Variants in MYH7 observed in about 807,000 individuals in gnomAD.
MYH7 encodes the protein myosin heavy chain 7.
MYH7 carries 129 observed loss-of-function variants against 225.4 expected under a neutral mutation model. The observed-to-expected ratio is 0.57, with a 90% CI of 0.50 to 0.66. The LOEUF is 0.66. MYH7 is among the 30% of genes least tolerant of loss of function. The pLI is 0.00. For missense variants in MYH7, 1,649 were observed against 2,517.0 expected, an observed-to-expected ratio of 0.66 and a Z score of 7.38; for synonymous variants, 971 against 1,007.6, an observed-to-expected ratio of 0.96 and a Z score of 0.69.
chr14:23,419,402 T>G lies in MYH7; in HGVS notation c.3853+81A>C. ...ACTCTGTGTCTGTGTGTGCGTGTATTGGCTTGTGCCCGAGGCTGGAGTGGC... is the reference window on the plus strand; with the variant it reads ...ACTCTGTGTCTGTGTGTGCGTGTATGGGCTTGTGCCCGAGGCTGGAGTGGC... On this transcript the variant is annotated intron_variant, in intron 28 of 39. Coordinates refer to ENST00000355349, the MANE Select transcript of MYH7 (RefSeq NM_000257.4). The G allele has an allele frequency of 1.9e-6, 3 of 1,612,520 alleles. No individual in the cohort carries two copies. In the East Asian group the frequency reaches 6.7e-5, roughly 36 times the overall value.
At position 23,424,036 on chromosome 14, in the gene MYH7, C is replaced by T. The variant is rs1892591027; in HGVS notation, c.2793G>A (p.Glu931=). 1 of 1,614,146 alleles carries T rather than the reference C, an allele frequency of 6.2e-7. No homozygotes were observed. Residue 931 remains glutamate (E), a synonymous_variant, in exon 23 of 40, where the codon GAG becomes GAA. Transcript: ENST00000355349. ...EMNERLEDEE[E]MNAELTAKKR... ...TCTTGGCAGTGAGCTCAGCATTCAT[C>T]TCCTCCTCATCCTCCAGCCTCTCGT...
At chr14:23,434,578 C>T (rs571621310) in intron 1 of MYH7, among the ~76,000 whole-genome samples, 127 of 152,256 alleles carry the variant, frequency 8.3e-4, no homozygotes, top group Non-Finnish European at 1.4e-3. Flanking sequence ...CACATTTGTT[C>T]GGCACTTTCC....
At position 23,416,894 on chromosome 14, in the gene MYH7, G is replaced by A. The variant is rs368734580; in HGVS notation, c.4618C>T (p.Leu1540=). Residue 1540 remains leucine, a synonymous_variant, in exon 33 of 40, where the codon CTG becomes TTG. Coordinates refer to ENST00000355349, the MANE Select transcript of MYH7 (RefSeq NM_000257.4). The part of the protein sequence containing the change: ...RKQLEAEKME[L]QSALEEAEAS... ...TCGGCCTCCTCCAGGGCTGACTGCA[G>A]CTCCATCTTCTCGGCCTCCAGCTGC... is the stretch of plus-strand genomic sequence containing the variant. 138 of 1,614,096 alleles carry A rather than the reference G, an allele frequency of 8.5e-5. No homozygotes were observed. The highest frequency in any genetic ancestry group is 2.5e-4 in the Admixed American group (15 of 60,002).
In MYH7 at chr14:23,428,557, C is replaced by T; in HGVS notation, c.1521G>A (p.Glu507=). 1 of 1,614,216 alleles carries T rather than the reference C, an allele frequency of 6.2e-7. No individual in the cohort carries two copies. The highest frequency in any genetic ancestry group is 8.5e-7 in the Non-Finnish European group (1 of 1,180,044). ...CCATGCCAAAGTCAATGAATGTCCA[C>T]TCGATGCCCTCCTTCTTGTACTCCT... ...EQEEYKKEGI[E]WTFIDFGMDL... The change falls in exon 15 of 40, where the codon GAG becomes GAA. Residue 507 remains glutamate (E), a synonymous_variant. Transcript: ENST00000355349.
In MYH7 at chr14:23,420,198, C is replaced by G. The variant is rs730880904; in HGVS notation, c.3373G>C (p.Glu1125Gln). 4 of 1,608,248 alleles carry G rather than the reference C, an allele frequency of 2.5e-6. No homozygotes were observed. The highest frequency in any genetic ancestry group is 3.4e-6 in the Non-Finnish European group (4 of 1,178,574). ...TCCACCTTAGCCCTGGCGGTGCGCT[C>G]GGCCTCCAGCTCCTCCTCCAGCTCC... ...IEELEEELEA[E>Q]RTARAKVEKL... The change falls in exon 27 of 40, where the codon GAG becomes CAG. Residue 1125 changes from glutamate (E) to glutamine (Q), a missense_variant. Transcript: ENST00000355349.
Position 23,416,195 on chromosome 14 carries a change from G to C in MYH7, c.4762C>G (p.Arg1588Gly). The part of the protein sequence containing the change: ...EKDEEMEQAK[R>G]NHLRVVDSLQ... Reference sequence around the variant, plus strand: ...GAGTCCACCACCCGCAGGTGGTTGCGCTTGGCCTGTTCCATCTCCTCGTCC... The same window carrying C: ...GAGTCCACCACCCGCAGGTGGTTGCCCTTGGCCTGTTCCATCTCCTCGTCC... The change falls in exon 34 of 40, where the codon CGC becomes GGC. Residue 1588 changes from arginine (R) to glycine (G), a missense_variant. Around this residue, in one of 12 missense-constraint regions of MYH7, gnomAD observed 687 missense variants for 913.8 expected, o/e 0.75. Transcript: ENST00000355349. 1.2e-6 allele frequency: 2 copies of C among 1,614,146 alleles called. No homozygotes were observed. The highest frequency in any genetic ancestry group is 1.7e-6 in the Non-Finnish European group (2 of 1,180,038).
intron 23 of MYH7, 90 bp from the exon 24 acceptor site, chr14:23,423,813 T>A: frequency 6.2e-7 from 1 of 1,613,424 alleles, no homozygotes; most frequent in Admixed American, 1.7e-5. Context: ...TCCATGCTGC[T>A]CTCTGGATGC....
In MYH7 at chr14:23,422,272, C is replaced by T. The variant is rs45540831; in HGVS notation, c.3153G>A (p.Ala1051=). 13,046 of 1,614,170 alleles carry T rather than the reference C, an allele frequency of 8.1e-3. 62 individuals carry two copies. Among genetic ancestry groups the T allele is most frequent in the Non-Finnish European group, 0.01 (11,930 of 1,180,042 alleles). Residue 1051 remains alanine (A), a synonymous_variant, in exon 25 of 40, where the codon GCG becomes GCA. Transcript: ENST00000355349. ...EKKVRMDLER[A]KRKLEGDLKL... is the part of the protein sequence containing the mutation. ...TCAGGTCGCCCTCCAGCTTCCGCTT[C>T]GCTCGCTCCAGGTCCATGCGCACCT...
Position 23,432,904 on chromosome 14 carries a change from T to C in MYH7, c.346-109A>G, listed in dbSNP as rs1221846321. Reference sequence around the variant, plus strand: ...GAGAAAGAAGAGAAAGGAAAACCTCTGCATGCACTCAATCTGAGTAATGCC... The same window carrying C: ...GAGAAAGAAGAGAAAGGAAAACCTCCGCATGCACTCAATCTGAGTAATGCC... On this transcript the variant is annotated intron_variant, in intron 4 of 39. Transcript: ENST00000355349. 5.3e-6 allele frequency: 8 copies of C among 1,523,548 alleles called. No individual in the cohort carries two copies. The African/African-American group carries it at 9.6e-5, about 18-fold the overall frequency. The allele number at this position is 1,523,548 out of a possible 1,614,324, so 94.4% of individuals were successfully genotyped here. A position where few individuals can be genotyped will look rare whatever the true frequency, so the allele number is the denominator to read the frequency against.
In MYH7 at chr14:23,432,767, A is replaced by G; in HGVS notation, c.374T>C (p.Val125Ala). 1 of 1,614,178 alleles carries G rather than the reference A, an allele frequency of 6.2e-7. No individual in the cohort carries two copies. The change falls in exon 5 of 40, where the codon GTC (valine) becomes GCC (alanine). Residue 125 changes from valine to alanine, a missense_variant. Coordinates refer to ENST00000355349, the MANE Select transcript of MYH7 (RefSeq NM_000257.4). ...YTYSGLFCVT[V>A]NPYKWLPVYT... ...CACCGGCAGCCACTTGTAAGGGTTG[A>G]CGGTGACACAGAAGAGGCCCGAGTA...
At position 23,429,772 on chromosome 14, in the gene MYH7, C is replaced by T; in HGVS notation, c.1138+3G>A. 1 of 1,612,336 alleles carries T rather than the reference C, an allele frequency of 6.2e-7. No homozygotes were observed. The highest frequency in any genetic ancestry group is 8.5e-7 in the Non-Finnish European group (1 of 1,180,000). On this transcript the variant is annotated splice_donor_region_variant and intron_variant, in intron 12 of 39. Transcript: ENST00000355349. ...GCTGCCCCCAAGAATCCCTGCCTCCCACCTTCAGTGCCGTCTGGCTCCGCC... is the reference window on the plus strand; with the variant it reads ...GCTGCCCCCAAGAATCCCTGCCTCCTACCTTCAGTGCCGTCTGGCTCCGCC...
At position 23,433,326 on chromosome 14, in the gene MYH7, G is replaced by C. The variant is rs1893024061; in HGVS notation, c.202-99C>G. The C allele has an allele frequency of 1.3e-6, 2 of 1,565,590 alleles. No homozygotes were observed. The highest frequency in any genetic ancestry group is 3.5e-5 in the Admixed American group (2 of 56,846). ...TGAGTGACAGGGCAATAGTGCTCAA[G>C]AGAGAAGGAACCAGGATCTCACAGG... On this transcript the variant is annotated intron_variant, in intron 3 of 39. Coordinates refer to ENST00000355349, the MANE Select transcript of MYH7 (RefSeq NM_000257.4). The surrounding 1 kb of genome is among the most constrained non-coding windows in gnomAD (Gnocchi z 4.1).
rs397516260 is a variant in MYH7 at position 23,431,789 on chromosome 14, C to T, written c.611G>A (p.Arg204His). The change falls in exon 7 of 40, where the codon CGC becomes CAC. Residue 204 changes from arginine to histidine, a missense_variant. Physicochemically the swap from Arg to His is conservative, Grantham distance 29. Around this residue, in one of 12 missense-constraint regions of MYH7, gnomAD observed 131 missense variants for 231.3 expected, o/e 0.57. Transcript: ENST00000355349. ...GCCCGGGCTCTGGTCCTTCTTGCTG[C>T]GGTCCCCAATGGCTGCAATAACAGC... is the stretch of plus-strand genomic sequence containing the variant. Reference protein sequence around the residue: ...YFAVIAAIGDRSKKDQSPGKG... With the variant: ...YFAVIAAIGDHSKKDQSPGKG... 1.5e-5 allele frequency: 25 copies of T among 1,614,132 alleles called. No individual in the cohort carries two copies. Among genetic ancestry groups the T allele is most frequent in the East Asian group, 2.2e-5 (1 of 44,902 alleles).
At position 23,429,919 on chromosome 14, in the gene MYH7, G is replaced by A. The variant is rs1892859358; in HGVS notation, c.1000-6C>T. On this transcript the variant is annotated splice_polypyrimidine_tract_variant and splice_region_variant and intron_variant, in intron 11 of 39. Transcript: ENST00000355349. ...CCCAGCACATCAAAAGCGTTCTGTAGGGAGGCCCCATATTGGCGGACCCCA... is the reference window on the plus strand; with the variant it reads ...CCCAGCACATCAAAAGCGTTCTGTAAGGAGGCCCCATATTGGCGGACCCCA... The A allele has an allele frequency of 1.2e-6, 2 of 1,613,854 alleles. No homozygotes were observed. Among genetic ancestry groups the A allele is most frequent in the Non-Finnish European group, 8.5e-7 (1 of 1,180,004 alleles).
chr14:23,423,480 C>G, intron 24 of MYH7, 67 bp downstream of exon 24: 3 of 1,507,642 alleles, frequency 2.0e-6, no homozygotes, highest in Non-Finnish European at 2.7e-6. Flanking sequence ...CACACACACA[C>G]ACACACAGAG....
chr14:23,430,385 C>T lies in MYH7; in HGVS notation c.999+175G>A, dbSNP rs115459715. ...ATAGAACACCAGATACTGGCCAGTC[C>T]TGTCTCACCTCATCCATTCCCCAGT... is the stretch of plus-strand genomic sequence containing the variant. On this transcript the variant is annotated intron_variant, in intron 11 of 39. Transcript: ENST00000355349. Among the ~76,000 whole-genome samples the T allele has an allele frequency of 3.4e-3, 521 of 152,262 alleles. 2 individuals are homozygous for T. The highest frequency in any genetic ancestry group is 0.012 in the African/African-American group (488 of 41,540).
chr14:23,427,144 C>A (rs1241545324), intron 17 of MYH7, 96 bp downstream of exon 17: 1 of 888,748 alleles, frequency 1.1e-6, no homozygotes, highest in Non-Finnish European at 1.6e-6. Flanking sequence ...AGACAGGGAA[C>A]GGGAGGAGTA....
At position 23,420,039 on chromosome 14, in the gene MYH7, G is replaced by C. The variant is rs764682780; in HGVS notation, c.3532C>G (p.Leu1178Val). Residue 1178 changes from leucine to valine, a missense_variant, in exon 27 of 40, where the codon CTG becomes GTG. By Grantham distance (32) the Leu-to-Val change is conservative. Transcript: ENST00000355349. ...TCGTGCTGCAGCGTGGCCTCCTCCA[G>C]GTCCCGCCGCATCTTCTGGAACTCG... ...EAEFQKMRRD[L>V]EEATLQHEAT... The C allele has an allele frequency of 6.3e-7, 1 of 1,578,140 alleles. No individual in the cohort carries two copies. Among genetic ancestry groups the C allele is most frequent in the Non-Finnish European group, 8.6e-7 (1 of 1,157,716 alleles).
chr14:23,421,091 G>T, intron 25 of MYH7, 43 bp from the exon 26 acceptor site: 2 of 1,448,368 alleles, frequency 1.4e-6, no homozygotes, highest in Non-Finnish European at 1.9e-6. Flanking sequence ...GACTCGTGGG[G>T]CCTCAGGAGG....
Sources: allele counts gnomAD v4.1 joint callset (sites outside exome capture counted in the v4.1 genomes callset), GRCh38; gene constraint gnomAD v4.1.1; regional missense constraint gnomAD v4.1.1; non-coding constraint Gnocchi (gnomAD v3.1); transcripts MANE v1.5; gene names NCBI Gene and HGNC (gene_info 2026-07-23, HGNC 2026-07-21).